Variants in CFAP70 observed in about 807,000 individuals in gnomAD.
CFAP70 encodes cilia and flagella associated protein 70.
Under a neutral mutation model 137.6 loss-of-function variants are expected in CFAP70, and 81 were observed. The observed-to-expected ratio is 0.59, with a 90% CI of 0.49 to 0.71. The LOEUF is 0.71. Ranked by LOEUF, CFAP70 falls within the 30% of genes least tolerant of loss-of-function variation. The pLI is 0.00. For synonymous variants in CFAP70, 382 were observed against 423.6 expected (o/e 0.90, Z 1.20); for missense variants, 976 against 1,226.7 (o/e 0.80, Z 3.05).
chr10:73,337,997 CA>C (rs754783271), intron 6 of CFAP70, among the ~76,000 whole-genome samples: 1 of 152,110 alleles, frequency 6.6e-6, no homozygotes, highest in Non-Finnish European at 1.5e-5. Flanking sequence ...ATCTGAAAAT[CA>C]AGTGAAGAAA....
chr10:73,265,047 C>T (rs1031250999), intron 25 of CFAP70, among the ~76,000 whole-genome samples: 2 of 152,092 alleles, frequency 1.3e-5, no homozygotes, highest in African/African-American at 2.4e-5. Context: ...GAGATTCGGC[C>T]GGGTGCGGTG....
intron 4 of CFAP70, chr10:73,345,139 C>T (rs765720352): frequency 6.2e-7 from 1 of 1,614,176 alleles, no homozygotes; most frequent in Non-Finnish European, 8.5e-7. Flanking sequence ...GATTCAGGCA[C>T]AGAGTAAGCA....
chr10:73,354,720 A>G lies in CFAP70; in HGVS notation c.63+14T>C. On this transcript the variant is annotated intron_variant, in intron 2 of 26. Coordinates refer to ENST00000310715, the Ensembl canonical transcript of CFAP70. ...AAACTAAGGATTTTTGTAAATTTCC[A>G]AAAGTAACTTTACCAAATCATATCC... 1 of 1,612,728 alleles carries G rather than the reference A, an allele frequency of 6.2e-7. No individual in the cohort carries two copies. Among genetic ancestry groups the G allele is most frequent in the Non-Finnish European group, 8.5e-7 (1 of 1,178,928 alleles).
At chr10:73,306,786 C>A (rs554234155) in intron 12 of CFAP70, among the ~76,000 whole-genome samples, 2 of 152,000 alleles carry the variant, frequency 1.3e-5, no homozygotes, top group African/African-American at 4.8e-5. Context: ...TAAGACAATC[C>A]CAGATAAACA....
At chr10:73,333,035 C>T (rs2052284544) in intron 7 of CFAP70, among the ~76,000 whole-genome samples, 1 of 152,024 alleles carries the variant, frequency 6.6e-6, no homozygotes, top group Non-Finnish European at 1.5e-5. Flanking sequence ...AGGCAACATG[C>T]AAGAACAGAT....
upstream of CFAP70, among the ~76,000 whole-genome samples, chr10:73,362,552 G>C (rs2055054184): frequency 6.6e-6 from 1 of 152,082 alleles, no homozygotes; most frequent in African/African-American, 2.4e-5. Context: ...TTGTGAATGG[G>C]ATTGCTGTTT....
At chr10:73,342,174 A>G (rs1443691424) in intron 5 of CFAP70, among the ~76,000 whole-genome samples, 1 of 152,212 alleles carries the variant, frequency 6.6e-6, no homozygotes, top group Non-Finnish European at 1.5e-5. Context: ...TAGAAGGGGA[A>G]ATTAGAACAT....
intron 6 of CFAP70, among the ~76,000 whole-genome samples, chr10:73,337,802 A>T (rs917171875): frequency 1.3e-5 from 2 of 151,538 alleles, no homozygotes; most frequent in African/African-American, 4.9e-5. Flanking sequence ...GTTACTTGGG[A>T]GGCTGAGGCA....
chr10:73,281,592 C>G (rs1364714602), intron 19 of CFAP70, among the ~76,000 whole-genome samples: 1 of 152,000 alleles, frequency 6.6e-6, no homozygotes, highest in African/African-American at 2.4e-5. Flanking sequence ...ATTCTCCTAC[C>G]ATGGCCAATT....
chr10:73,291,926 T>A (rs1473980094), exon 17 of CFAP70: 1 of 1,614,212 alleles, frequency 6.2e-7, no homozygotes, highest in South Asian at 1.1e-5. Flanking sequence ...CTGAAAACAC[T>A]CTTGTGCTTT....
At chr10:73,279,809 G>T (rs2047124089) in intron 19 of CFAP70, among the ~76,000 whole-genome samples, 2 of 151,448 alleles carry the variant, frequency 1.3e-5, no homozygotes, top group African/African-American at 2.4e-5. Context: ...AGTGAGCCAT[G>T]ATTTTGCCAC....
intron 25 of CFAP70, among the ~76,000 whole-genome samples, chr10:73,261,910 T>G (rs2045247871): frequency 6.6e-6 from 1 of 150,940 alleles, no homozygotes. Context: ...TCAGATTAAA[T>G]AAAAGTTACA....
chr10:73,301,677 G>T (rs1411566502), intron 12 of CFAP70, among the ~76,000 whole-genome samples: 1 of 152,160 alleles, frequency 6.6e-6, no homozygotes, highest in Non-Finnish European at 1.5e-5. Context: ...TTGGGGTAAT[G>T]ATAGTATATA....
At chr10:73,342,343 C>A (rs1358361816) in intron 5 of CFAP70, among the ~76,000 whole-genome samples, 3 of 151,914 alleles carry the variant, frequency 2.0e-5, no homozygotes, top group African/African-American at 7.3e-5. Flanking sequence ...TTGAAACCAG[C>A]CTGGGCAACA....
In CFAP70 at chr10:73,319,334, G is replaced by A. The variant is rs142541746; in HGVS notation, c.912+3629C>T. On this transcript the variant is annotated intron_variant, in intron 9 of 26. Coordinates refer to ENST00000310715, the Ensembl canonical transcript of CFAP70. ...TCCTTTGTTCTAAACTTCTTCCTGG[G>A]GTGCTTGGAGAAAGTCACTCCCCCT... Among the ~76,000 whole-genome samples the A allele has an allele frequency of 4.8e-3, 736 of 152,144 alleles. 3 individuals are homozygous for A. Among genetic ancestry groups the A allele is most frequent in the African/African-American group, 0.017 (701 of 41,486 alleles).
intron 4 of CFAP70, chr10:73,347,179 G>C (rs1407951388): frequency 6.6e-6 from 1 of 152,178 alleles, no homozygotes; most frequent in Non-Finnish European, 1.5e-5. Context: ...AGATGAGGTT[G>C]AAGGGGGAGG....
intron 3 of CFAP70, among the ~76,000 whole-genome samples, chr10:73,349,849 C>T (rs2054054858): frequency 6.6e-6 from 1 of 152,172 alleles, no homozygotes; most frequent in Non-Finnish European, 1.5e-5. Flanking sequence ...GCTTTGTTTG[C>T]TGAAGTACTT....
chr10:73,284,936 A>C (rs1469844224), intron 19 of CFAP70, among the ~76,000 whole-genome samples: 2 of 150,850 alleles, frequency 1.3e-5, no homozygotes, highest in Non-Finnish European at 3.0e-5. Flanking sequence ...GTTTTAAAAA[A>C]TATTTTATAC....
At chr10:73,266,427 C>T (rs1425411938) in intron 25 of CFAP70, among the ~76,000 whole-genome samples, 1 of 152,040 alleles carries the variant, frequency 6.6e-6, no homozygotes, top group Admixed American at 6.5e-5. Flanking sequence ...TGGGTTCCTA[C>T]CTAATCCTTT....
Sources: allele counts gnomAD v4.1 joint callset (sites outside exome capture counted in the v4.1 genomes callset), GRCh38; gene constraint gnomAD v4.1.1; transcripts MANE v1.5; gene names NCBI Gene and HGNC (gene_info 2026-07-23, HGNC 2026-07-21).